GRID2: variants seen among roughly 807,000 people sequenced by gnomAD.
GRID2 encodes the protein glutamate ionotropic receptor delta type subunit 2.
In GRID2, 33 loss-of-function variants were observed where a neutral mutation model predicts 114.8. The observed-to-expected ratio is 0.29, with a 90% CI of 0.22 to 0.38. The LOEUF (loss-of-function observed/expected upper bound fraction) is 0.38. Among genes scored for constraint, GRID2 ranks in the 10% least tolerant of loss-of-function variants. GRID2 has a pLI of 1.00. For missense variants in GRID2, 1,184 were observed against 1,257.7 expected, an observed-to-expected ratio of 0.94 and a Z score of 0.89; for synonymous variants, 505 against 449.9, an observed-to-expected ratio of 1.12 and a Z score of -1.55.
At chr4:93,461,613 T>TA (rs1180852080) in intron 11 of GRID2, among the ~76,000 whole-genome samples, 1 of 152,122 alleles carries the variant, frequency 6.6e-6, no homozygotes, top group Non-Finnish European at 1.5e-5. Flanking sequence ...CCTGACATTT[T>TA]AAAAAATCTG....
intron 1 of GRID2, among the ~76,000 whole-genome samples, chr4:92,475,119 TAATAATAATA>T (rs1416475086): frequency 7.8e-6 from 1 of 128,424 alleles, no homozygotes; most frequent in Non-Finnish European, 1.7e-5. Flanking sequence ...TAAAGTATAA[TAATAATAATA>T]AATAATAATA....
At chr4:92,756,465 G>A (rs991154422) in intron 2 of GRID2, among the ~76,000 whole-genome samples, 4 of 152,098 alleles carry the variant, frequency 2.6e-5, no homozygotes, top group Admixed American at 2.6e-4. Context: ...ATATGTAGTA[G>A]TGAGATTATT....
At chr4:93,314,303 CAAAAAAAAAAAA>C (rs56977080) in intron 8 of GRID2, among the ~76,000 whole-genome samples, 2 of 54,146 alleles carry the variant, frequency 3.7e-5, no homozygotes, top group Non-Finnish European at 6.8e-5. Flanking sequence ...GAGTCTGTCT[CAAAAAAAAAAAA>C]AAAAAAAAAA....
chr4:92,662,758 A>G (rs1732583187), intron 2 of GRID2, among the ~76,000 whole-genome samples: 1 of 151,234 alleles, frequency 6.6e-6, no homozygotes, highest in Non-Finnish European at 1.5e-5. Flanking sequence ...TTTCTAAGTT[A>G]TTTCCTGACA....
At chr4:92,432,259 G>A (rs1182882748) in intron 1 of GRID2, among the ~76,000 whole-genome samples, 7 of 152,136 alleles carry the variant, frequency 4.6e-5, no homozygotes, top group African/African-American at 1.7e-4. Context: ...ACTACTGATG[G>A]TCATTTAAGG....
At chr4:93,249,324 C>A (rs577100009) in intron 8 of GRID2, among the ~76,000 whole-genome samples, 1 of 152,168 alleles carries the variant, frequency 6.6e-6, no homozygotes, top group South Asian at 2.1e-4. Flanking sequence ...CAGCTTTGTT[C>A]TTTTGGCTTA....
intron 1 of GRID2, among the ~76,000 whole-genome samples, chr4:92,351,520 C>A (rs1270037391): frequency 6.6e-6 from 1 of 151,696 alleles, no homozygotes; most frequent in Non-Finnish European, 1.5e-5. Context: ...CTTTCAACAT[C>A]CTCTCTTCTA....
chr4:92,715,756 C>G (rs553579688), intron 2 of GRID2, among the ~76,000 whole-genome samples: 4 of 152,100 alleles, frequency 2.6e-5, no homozygotes, highest in East Asian at 1.9e-4. Context: ...GATTCACATA[C>G]GTATCACTAG....
intron 1 of GRID2, among the ~76,000 whole-genome samples, chr4:92,451,833 G>T (rs750369860): frequency 6.6e-6 from 1 of 152,064 alleles, no homozygotes; most frequent in Non-Finnish European, 1.5e-5. Context: ...AAGAGCCTAA[G>T]TATTCATCTC....
At chr4:92,530,842 G>A (rs904232241) in intron 1 of GRID2, among the ~76,000 whole-genome samples, 2 of 151,966 alleles carry the variant, frequency 1.3e-5, no homozygotes, top group African/African-American at 4.8e-5. Flanking sequence ...GGGAGGTGGA[G>A]GTTTCAGTGA....
chr4:93,071,609 T>C (rs56011292), intron 2 of GRID2, among the ~76,000 whole-genome samples: 12,256 of 151,986 alleles, frequency 0.081, 774 homozygotes, highest in African/African-American at 0.18. Flanking sequence ...TGAAGGAATA[T>C]CTAGGTGAGG....
chr4:93,060,961 G>C (rs1727732091), intron 2 of GRID2, among the ~76,000 whole-genome samples: 1 of 152,034 alleles, frequency 6.6e-6, no homozygotes, highest in Non-Finnish European at 1.5e-5. Context: ...AAATCAGCCA[G>C]ACGTGGTGGC....
Position 93,651,212 on chromosome 4 carries a change from G to A in GRID2, c.2360+24777G>A, listed in dbSNP as rs138918831. Among the ~76,000 whole-genome samples the A allele has an allele frequency of 2.9e-3, 436 of 152,202 alleles. 1 individual carries two copies. The highest frequency in any genetic ancestry group is 0.014 in the Middle Eastern group (4 of 294). On this transcript the variant is annotated intron_variant, in intron 14 of 15. Coordinates refer to ENST00000282020, the MANE Select transcript of GRID2 (RefSeq NM_001510.4). The stretch of plus-strand genomic sequence containing the variant: ...TTGAAAATCCATCTTATCCCTCACA[G>A]CAAACAACCACTTCATGTGTTTCCT...
At chr4:93,340,502 A>C (rs1454441422) in intron 8 of GRID2, among the ~76,000 whole-genome samples, 1 of 152,068 alleles carries the variant, frequency 6.6e-6, no homozygotes, top group Non-Finnish European at 1.5e-5. Context: ...GCTAATTAGA[A>C]GGGGAGGAGT....
At chr4:92,968,324 T>C (rs898091804) in intron 2 of GRID2, among the ~76,000 whole-genome samples, 1 of 151,870 alleles carries the variant, frequency 6.6e-6, no homozygotes, top group African/African-American at 2.4e-5. Flanking sequence ...TTTAAAAAAA[T>C]AGTATCACTA....
intron 8 of GRID2, among the ~76,000 whole-genome samples, chr4:93,308,693 A>C (rs1755695554): frequency 6.6e-6 from 1 of 152,252 alleles, no homozygotes; most frequent in Non-Finnish European, 1.5e-5. Flanking sequence ...AATCCTTTGG[A>C]GAATTTACTG....
intron 1 of GRID2, among the ~76,000 whole-genome samples, chr4:92,377,704 G>A (rs1729421489): frequency 6.6e-6 from 1 of 152,126 alleles, no homozygotes; most frequent in African/African-American, 2.4e-5. Context: ...ATGGTGGAAG[G>A]CAAGGAGGAG....
rs770970641 is a variant in GRID2 at position 93,626,394 on chromosome 4, A to G, written c.2319A>G (p.Ala773=). The change falls in exon 14 of 16, where the codon GCA becomes GCG. Residue 773 remains alanine, a synonymous_variant. Coordinates refer to ENST00000282020, the MANE Select transcript of GRID2 (RefSeq NM_001510.4). The part of the protein sequence containing the change: ...NTVADRGYGI[A]LQHGSPYRDV... ...TTGCTGATCGGGGATATGGAATTGCATTACAACATGGCAGTCCTTACCGAG... is the reference window on the plus strand; with the variant it reads ...TTGCTGATCGGGGATATGGAATTGCGTTACAACATGGCAGTCCTTACCGAG... 6.2e-6 allele frequency: 10 copies of G among 1,612,298 alleles called. No individual in the cohort carries two copies. In the East Asian group the frequency reaches 2.2e-4, roughly 36 times the overall value.
At chr4:93,273,327 T>C (rs921077443) in intron 8 of GRID2, among the ~76,000 whole-genome samples, 2 of 152,100 alleles carry the variant, frequency 1.3e-5, no homozygotes, top group African/African-American at 4.8e-5. Context: ...TCTATCTAAA[T>C]GAAAAAGCTA....
Sources: gnomAD v4.1 joint callset for allele counts (sites outside exome capture counted in the v4.1 genomes callset) on GRCh38, gnomAD v4.1.1 for gene constraint, MANE v1.5 for transcripts, NCBI Gene and HGNC (gene_info 2026-07-23, HGNC 2026-07-21) for gene names.